SLC24A2: variants seen among roughly 807,000 people sequenced by gnomAD.
SLC24A2 encodes the protein sodium/potassium/calcium exchanger 2.
Under a neutral mutation model 62.0 loss-of-function variants are expected in SLC24A2, and 36 were observed. The observed-to-expected ratio is 0.58, with a 90% CI of 0.44 to 0.77. SLC24A2 has a LOEUF of 0.77. Among genes scored for constraint, SLC24A2 ranks in the 30% least tolerant of loss-of-function variants. The pLI, the probability that SLC24A2 is intolerant of heterozygous loss-of-function variation, is 0.00. For synonymous variants in SLC24A2, 358 were observed against 294.0 expected (o/e 1.22, Z -2.23); for missense variants, 846 against 817.9 (o/e 1.03, Z -0.42).
the SLC24A2 span, among the ~76,000 whole-genome samples, chr9:19,878,054 C>A: frequency 1.3e-5 from 2 of 152,034 alleles, no homozygotes; most frequent in Non-Finnish European, 2.9e-5. Flanking sequence ...CTGTTACCAC[C>A]CTGTGCAGAG....
the SLC24A2 span, among the ~76,000 whole-genome samples, chr9:19,943,351 T>G: frequency 9.0e-3 from 1,376 of 152,294 alleles, 22 homozygotes; most frequent in African/African-American, 0.032. Flanking sequence ...TACCCTGGAA[T>G]AATTTTATTC....
At chr9:19,862,150 A>G in the SLC24A2 span, among the ~76,000 whole-genome samples, 5 of 152,212 alleles carry the variant, frequency 3.3e-5, no homozygotes, top group East Asian at 9.6e-4. Context: ...GGCATTTAAT[A>G]ATCAAACTCC....
At chr9:19,684,421 T>A (rs1216617776) in intron 2 of SLC24A2, among the ~76,000 whole-genome samples, 1 of 152,074 alleles carries the variant, frequency 6.6e-6, no homozygotes, top group Admixed American at 6.6e-5. Context: ...CAAAACTAGT[T>A]TCCGTGATGA....
At chr9:20,153,432 T>G in the SLC24A2 span, among the ~76,000 whole-genome samples, 1 of 151,890 alleles carries the variant, frequency 6.6e-6, no homozygotes, top group African/African-American at 2.4e-5. Flanking sequence ...AAGTCAGACA[T>G]GAACTTCATT....
intron 8 of SLC24A2, among the ~76,000 whole-genome samples, chr9:19,535,469 G>T (rs571056750): frequency 3.9e-5 from 6 of 152,232 alleles, no homozygotes; most frequent in Middle Eastern, 6.8e-3. Flanking sequence ...TTTCTTCTAG[G>T]ATTTTTACGG....
intron 2 of SLC24A2, among the ~76,000 whole-genome samples, chr9:19,656,004 C>G (rs1818932224): frequency 6.6e-6 from 1 of 152,162 alleles, no homozygotes; most frequent in Non-Finnish European, 1.5e-5. Context: ...CCTGCAGAGC[C>G]TAAATCACTG....
intron 2 of SLC24A2, among the ~76,000 whole-genome samples, chr9:19,663,191 T>A (rs190279943): frequency 5.9e-5 from 9 of 152,224 alleles, no homozygotes; most frequent in Admixed American, 5.9e-4. Context: ...ATTTTACAGA[T>A]TAGGAAAAAG....
chr9:19,787,691 C>T (rs1014235412), intron 1 of SLC24A2, among the ~76,000 whole-genome samples: 1 of 128,428 alleles, frequency 7.8e-6, no homozygotes, highest in Admixed American at 8.4e-5. Flanking sequence ...CACAAGCTGC[C>T]TTCCCTAAAC....
the SLC24A2 span, chr9:19,967,865 G>C: frequency 9.9e-5 from 15 of 152,264 alleles, no homozygotes; most frequent in African/African-American, 3.6e-4. Context: ...TGGAAATTTT[G>C]GGTTGATTCA....
intron 7 of SLC24A2, among the ~76,000 whole-genome samples, chr9:19,564,546 ATCTG>A (rs1211829856): frequency 9.1e-5 from 6 of 66,176 alleles, no homozygotes; most frequent in Non-Finnish European, 2.4e-4. Context: ...CTCTGTATCT[ATCTG>A]TCTATCAATC....
chr9:19,566,555 G>A (rs943873371), intron 7 of SLC24A2, among the ~76,000 whole-genome samples: 44 of 152,016 alleles, frequency 2.9e-4, no homozygotes, highest in Middle Eastern at 3.4e-3. Flanking sequence ...ACAGTGTGGC[G>A]ATTCCTCAAG....
chr9:19,602,691 C>G (rs565180357), intron 4 of SLC24A2, among the ~76,000 whole-genome samples: 1 of 152,246 alleles, frequency 6.6e-6, no homozygotes, highest in East Asian at 1.9e-4. Flanking sequence ...TGGGGTCCAA[C>G]AATCCTGGGT....
At chr9:19,803,183 G>A in the SLC24A2 span, among the ~76,000 whole-genome samples, 2 of 152,174 alleles carry the variant, frequency 1.3e-5, no homozygotes, top group Non-Finnish European at 2.9e-5. Context: ...ATATATATGT[G>A]TAGTTCTGGC....
intron 7 of SLC24A2, among the ~76,000 whole-genome samples, chr9:19,551,012 T>A (rs113600193): frequency 1.3e-5 from 2 of 152,286 alleles, no homozygotes; most frequent in African/African-American, 4.8e-5. Flanking sequence ...CTTTGGAATA[T>A]ATAGTGTGTT....
chr9:19,895,746 C>T, the SLC24A2 span: 9 of 1,478,272 alleles, frequency 6.1e-6, no homozygotes, highest in Admixed American at 2.0e-5. Context: ...AGTCAAGGGG[C>T]TGGGCGGCCC....
Position 19,604,489 on chromosome 9 carries a change from G to T in SLC24A2, c.1079-7210C>A, listed in dbSNP as rs139326371. On this transcript the variant is annotated intron_variant, in intron 4 of 10. Transcript: ENST00000341998. ...CCATCTTGTGGCCTGGCTGGATTCA[G>T]TGGTTTTTGCTAGGCAAAGAGAATC... 7.8e-3 allele frequency among the ~76,000 whole-genome samples: 1,182 copies of T among 152,318 alleles called. 15 individuals carry two copies. The highest frequency in any genetic ancestry group is 0.027 in the African/African-American group (1,123 of 41,560).
the SLC24A2 span, among the ~76,000 whole-genome samples, chr9:20,083,369 A>T: frequency 6.6e-6 from 1 of 152,210 alleles, no homozygotes; most frequent in Admixed American, 6.5e-5. Flanking sequence ...AGTGGACACC[A>T]TGCTTTTCAT....
At chr9:20,265,468 A>G in the SLC24A2 span, among the ~76,000 whole-genome samples, 22 of 152,214 alleles carry the variant, frequency 1.4e-4, no homozygotes, top group Non-Finnish European at 3.2e-4. Flanking sequence ...TAATCTGTGA[A>G]CATAAATTGT....
At chr9:19,521,512 G>T (rs971283111) in intron 9 of SLC24A2, among the ~76,000 whole-genome samples, 1 of 152,214 alleles carries the variant, frequency 6.6e-6, no homozygotes, top group African/African-American at 2.4e-5. Flanking sequence ...GCATCTCCTA[G>T]TGTCTATAAT....
Sources: gnomAD v4.1 joint callset for allele counts (sites outside exome capture counted in the v4.1 genomes callset) on GRCh38, gnomAD v4.1.1 for gene constraint, MANE v1.5 for transcripts, NCBI Gene and HGNC (gene_info 2026-07-23, HGNC 2026-07-21) for gene names.